Variants in SPTAN1 observed in about 807,000 individuals in gnomAD.
The protein encoded by SPTAN1 is spectrin alpha, non-erythrocytic 1.
Under a neutral mutation model 331.3 loss-of-function variants are expected in SPTAN1, and 61 were observed. The ratio of observed to expected loss-of-function variants is 0.18; its 90% CI spans 0.15 to 0.23. SPTAN1 has a LOEUF of 0.23. Ranked by LOEUF, SPTAN1 falls within the 10% of genes least tolerant of loss-of-function variation. The pLI is 1.00. For synonymous variants in SPTAN1, 1,153 were observed against 1,173.9 expected (o/e 0.98, Z 0.36); for missense variants, 2,043 against 3,147.9 (o/e 0.65, Z 8.40).
chr9:128,615,636 G>A lies in SPTAN1; in HGVS notation c.5153G>A (p.Arg1718His), dbSNP rs1366060632. ...CTCTTATGTCCCCTGCCCCAGGATC[G>A]CCTGAAGGACCTGAACAGCCAGGCA... is the stretch of plus-strand genomic sequence containing the variant. ...LEADISAHED[R>H]LKDLNSQADS... The change falls in exon 41 of 57, where the codon CGC (arginine) becomes CAC (histidine). Residue 1718 changes from arginine (R) to histidine (H), a missense_variant. Arg to His is a conservative substitution (Grantham distance 29, BLOSUM62 0). Transcript: ENST00000372739. The A allele has an allele frequency of 1.9e-6, 3 of 1,613,860 alleles. No homozygotes were observed. The highest frequency in any genetic ancestry group is 2.5e-6 in the Non-Finnish European group (3 of 1,179,940).
intron 20 of SPTAN1, among the ~76,000 whole-genome samples, chr9:128,588,454 G>A (rs1852975239): frequency 1.3e-5 from 2 of 150,946 alleles, no homozygotes; most frequent in South Asian, 4.2e-4. Flanking sequence ...TGGGATTACA[G>A]GCACGCACCA....
chr9:128,633,010 T>G (rs1260392895), intron 56 of SPTAN1, 55 bp downstream of exon 56: 1 of 1,604,792 alleles, frequency 6.2e-7, no homozygotes, highest in African/African-American at 1.3e-5. Flanking sequence ...TAAAGCCAAA[T>G]TTGTGGCAGA....
intron 1 of SPTAN1, among the ~76,000 whole-genome samples, chr9:128,562,789 G>A (rs142153107): frequency 2.6e-5 from 4 of 151,366 alleles, no homozygotes; most frequent in Non-Finnish European, 4.4e-5. Context: ...ACGGTGAAAC[G>A]CCATCTCTAC....
chr9:128,570,324 ATATATATTTTTTT>A (rs1361344645), intron 3 of SPTAN1, among the ~76,000 whole-genome samples: 26 of 32,230 alleles, frequency 8.1e-4, no homozygotes, highest in East Asian at 6.2e-3. Context: ...ATATATATAT[ATATATATTTTTTT>A]TTTTTTTTTT....
At chr9:128,561,628 A>G (rs1020068742) in intron 1 of SPTAN1, among the ~76,000 whole-genome samples, 10 of 132,890 alleles carry the variant, frequency 7.5e-5, no homozygotes, top group African/African-American at 1.1e-4. Flanking sequence ...GCACCACTGC[A>G]CTCCAGCCTG....
intron 38 of SPTAN1, 112 bp from the exon 39 acceptor site, chr9:128,611,997 G>T: frequency 1.9e-6 from 3 of 1,605,014 alleles, no homozygotes; most frequent in Non-Finnish European, 1.7e-6. Flanking sequence ...AGTGAGAATG[G>T]CTCCTATGAG....
At chr9:128,585,662 G>A (rs1171710946) in intron 18 of SPTAN1, 86 bp from the exon 19 acceptor site, 11 of 1,136,536 alleles carry the variant, frequency 9.7e-6, no homozygotes, top group East Asian at 7.0e-5. Flanking sequence ...TGAAAGTGCC[G>A]TGAACACACA....
chr9:128,627,357 C>T lies in SPTAN1; in HGVS notation c.6577-29C>T. ...GGCTGGTGTCACTGCCACAGCAGCG[C>T]ACAGCATCTGCCCCCCTTTGGCCCT... is the stretch of plus-strand genomic sequence containing the variant. On this transcript the variant is annotated intron_variant, in intron 49 of 56. Coordinates refer to ENST00000372739, the MANE Select transcript of SPTAN1 (RefSeq NM_001130438.3). This position sits in a 1 kb window ranked among gnomAD's most constrained non-coding sequence, Gnocchi z 4.9. 2.0e-6 allele frequency: 3 copies of T among 1,538,338 alleles called. No individual in the cohort carries two copies. Among genetic ancestry groups the T allele is most frequent in the Non-Finnish European group, 2.6e-6 (3 of 1,135,564 alleles).
intron 40 of SPTAN1, among the ~76,000 whole-genome samples, chr9:128,613,708 TA>T (rs1201008976): frequency 2.0e-5 from 3 of 152,198 alleles, no homozygotes; most frequent in Non-Finnish European, 4.4e-5. Context: ...TATTAAAAAT[TA>T]CATAAATTTT....
At chr9:128,574,612 G>T (rs1851095232) in intron 3 of SPTAN1, 63 bp from the exon 4 acceptor site, 1 of 1,604,114 alleles carries the variant, frequency 6.2e-7, no homozygotes, top group African/African-American at 1.3e-5. Flanking sequence ...TAAACTCTAT[G>T]GAAGAGCCAG....
intron 34 of SPTAN1, 58 bp downstream of exon 34, chr9:128,608,334 C>T: frequency 1.2e-6 from 2 of 1,608,706 alleles, no homozygotes; most frequent in Non-Finnish European, 1.7e-6. Context: ...ACATCTGTTT[C>T]TTGGCTTATA....
rs2131744231 is a variant in SPTAN1 at position 128,615,685 on chromosome 9, C to T, written c.5202C>T (p.Ala1734=). The T allele has an allele frequency of 1.2e-6, 2 of 1,614,200 alleles. No individual in the cohort carries two copies. Among genetic ancestry groups the T allele is most frequent in the South Asian group, 1.1e-5 (1 of 91,084 alleles). ...SQADSLMTSS[A]FDTSQVKDKR... ...CAGACAGCCTGATGACCAGCAGTGC[C>T]TTCGACACCTCCCAAGTAAAGGACA... The change falls in exon 41 of 57, where the codon GCC becomes GCT. Residue 1734 remains alanine (A), a synonymous_variant. Coordinates refer to ENST00000372739, the MANE Select transcript of SPTAN1 (RefSeq NM_001130438.3).
Position 128,626,515 on chromosome 9 carries a change from G to T in SPTAN1, c.6404G>T (p.Arg2135Leu), listed in dbSNP as rs373259652. 3 of 1,613,842 alleles carry T rather than the reference G, an allele frequency of 1.9e-6. No individual in the cohort carries two copies. The highest frequency in any genetic ancestry group is 2.5e-6 in the Non-Finnish European group (3 of 1,180,002). The change falls in exon 49 of 57, where the codon CGC (arginine) becomes CTC (leucine). Residue 2135 changes from arginine to leucine, a missense_variant. Transcript: ENST00000372739. ...TCCTTGGAAGAAATCAAAGCTTTGC[G>T]CGAGGCCCACGACGCCTTCCGCTCC... ...CNSLEEIKAL[R>L]EAHDAFRSSL... is the part of the protein sequence containing the mutation.
chr9:128,611,577 G>A (rs1259723387), intron 37 of SPTAN1, 137 bp from the exon 38 acceptor site: 3 of 948,994 alleles, frequency 3.2e-6, no homozygotes, highest in African/African-American at 1.6e-5. Context: ...AACTCCAATT[G>A]CCTTCTGTTA....
At chr9:128,609,499 G>T (rs191265660) in intron 36 of SPTAN1, 152 bp from the exon 37 acceptor site, 5 of 949,788 alleles carry the variant, frequency 5.3e-6, no homozygotes, top group Non-Finnish European at 7.9e-6. Context: ...TATTTCTGCT[G>T]TAATAAAAGT....
intron 26 of SPTAN1, chr9:128,599,828 C>A: frequency 3.7e-6 from 2 of 536,252 alleles, no homozygotes; most frequent in Non-Finnish European, 6.6e-6. Context: ...TATTAAATTT[C>A]TTTATTCTCT....
chr9:128,572,442 A>G (rs1322109199), intron 3 of SPTAN1, among the ~76,000 whole-genome samples: 15 of 149,854 alleles, frequency 1.0e-4, no homozygotes, highest in Admixed American at 5.4e-4. Context: ...CAATGGGACA[A>G]TGGTTCCAGT....
At chr9:128,601,404 A>T (rs560224958) in intron 27 of SPTAN1, 92 of 152,186 alleles carry the variant, frequency 6.0e-4, no homozygotes, top group African/African-American at 2.2e-3. Context: ...GTTACAGGCA[A>T]GTTAGACAGC....
At chr9:128,605,264 C>CT in intron 30 of SPTAN1, 32 bp from the exon 31 acceptor site, 1 of 1,614,138 alleles carries the variant, frequency 6.2e-7, no homozygotes, top group Non-Finnish European at 8.5e-7. Flanking sequence ...TACCCCCTTA[C>CT]TGCAAGCTCA....
Sources: allele counts gnomAD v4.1 joint callset (sites outside exome capture counted in the v4.1 genomes callset), GRCh38; gene constraint gnomAD v4.1.1; non-coding constraint Gnocchi (gnomAD v3.1); transcripts MANE v1.5; gene names NCBI Gene and HGNC (gene_info 2026-07-23, HGNC 2026-07-21).